NAF1: variants seen among roughly 807,000 people sequenced by gnomAD.
The protein encoded by NAF1 is H/ACA ribonucleoprotein complex non-core subunit NAF1.
A neutral mutation model predicts 40.6 loss-of-function variants in NAF1; 11 were observed. The ratio of observed to expected loss-of-function variants is 0.27; its 90% CI spans 0.17 to 0.45. NAF1 has a LOEUF of 0.45. NAF1 is among the 20% of genes least tolerant of loss of function. NAF1 has a pLI of 1.00. For missense variants in NAF1, 607 were observed against 611.1 expected (o/e 0.99, Z 0.07); for synonymous variants, 260 against 228.5 (o/e 1.14, Z -1.24).
At chr4:163,151,012 T>C (rs1731678189) in intron 2 of NAF1, among the ~76,000 whole-genome samples, 1 of 152,098 alleles carries the variant, frequency 6.6e-6, no homozygotes, top group Admixed American at 6.5e-5. Context: ...AGAGTGAACA[T>C]CCTTGCATGT....
At chr4:163,137,722 G>T (rs1731113687) in intron 5 of NAF1, among the ~76,000 whole-genome samples, 1 of 152,138 alleles carries the variant, frequency 6.6e-6, no homozygotes, top group Non-Finnish European at 1.5e-5. Flanking sequence ...TTTACCTGAG[G>T]AATGTCAGCA....
rs1414961716 is a variant in NAF1 at position 163,129,259 on chromosome 4, G to A, written c.1123C>T (p.Arg375Ter). 3.1e-6 allele frequency: 5 copies of A among 1,614,100 alleles called. No homozygotes were observed. Among genetic ancestry groups the A allele is most frequent in the Non-Finnish European group, 3.4e-6 (4 of 1,179,992 alleles). Residue 375 changes from arginine (R) to a stop codon, truncating the protein, a stop_gained, in exon 8 of 8, where the codon CGA (arginine) becomes TGA (stop). Coordinates refer to ENST00000274054, the MANE Select transcript of NAF1 (RefSeq NM_138386.3). LOFTEE classifies it low-confidence loss of function (END_TRUNC). ...GGGTATCTGGCCCTGGAAAATCCTC[G>A]TGTGAATTCTCTGTTACGATATCCT... ...AKGYRNREFT[R>*]GFSRARYPRS...
intron 2 of NAF1, among the ~76,000 whole-genome samples, chr4:163,151,505 T>C (rs1453398327): frequency 1.3e-5 from 2 of 152,106 alleles, no homozygotes; most frequent in African/African-American, 4.8e-5. Flanking sequence ...ATCTTTTCTC[T>C]CACTGATTTG....
intron 2 of NAF1, among the ~76,000 whole-genome samples, chr4:163,116,536 T>C (rs939089066): frequency 5.9e-5 from 9 of 152,190 alleles, no homozygotes; most frequent in African/African-American, 2.2e-4. Flanking sequence ...GTCTTTGTTA[T>C]AATATTTCTT....
At chr4:163,145,406 G>A (rs1198929728) in intron 4 of NAF1, among the ~76,000 whole-genome samples, 2 of 152,130 alleles carry the variant, frequency 1.3e-5, no homozygotes, top group Non-Finnish European at 2.9e-5. Context: ...ATTCAAAGGA[G>A]CTCACAAAAC....
At chr4:163,144,123 T>C (rs1731368438) in intron 4 of NAF1, 1 of 544,080 alleles carries the variant, frequency 1.8e-6, no homozygotes, top group Non-Finnish European at 2.3e-6. Context: ...TACCCACTGA[T>C]ATATGAGAAG....
downstream of NAF1, among the ~76,000 whole-genome samples, chr4:163,128,302 T>G (rs1364755521): frequency 6.6e-6 from 1 of 152,156 alleles, no homozygotes; most frequent in Non-Finnish European, 1.5e-5. Flanking sequence ...GGAATTATTT[T>G]GCACAGATAA....
chr4:163,148,224 TATAAA>T (rs1196579243), intron 3 of NAF1, 112 bp downstream of exon 3: 3 of 511,518 alleles, frequency 5.9e-6, no homozygotes. Flanking sequence ...ACTTAATGAC[TATAAA>T]ATAAAGTGTT....
chr4:163,118,875 A>G (rs1730432389), intron 2 of NAF1, among the ~76,000 whole-genome samples: 1 of 152,256 alleles, frequency 6.6e-6, no homozygotes, highest in Non-Finnish European at 1.5e-5. Context: ...TATGTGAAAA[A>G]GTACCTGGAT....
At chr4:163,139,880 GA>G (rs999816411) in intron 5 of NAF1, among the ~76,000 whole-genome samples, 6 of 150,948 alleles carry the variant, frequency 4.0e-5, no homozygotes, top group African/African-American at 1.5e-4. Context: ...TTACTTAACT[GA>G]AAAAAAAGTT....
downstream of NAF1, among the ~76,000 whole-genome samples, chr4:163,108,073 T>A (rs957796324): frequency 2.0e-5 from 3 of 151,998 alleles, no homozygotes; most frequent in African/African-American, 4.8e-5. Context: ...ATTAAGAAAA[T>A]TTTTTTTTCT....
intron 2 of NAF1, among the ~76,000 whole-genome samples, chr4:163,120,200 C>T (rs1730476057): frequency 6.6e-6 from 1 of 152,152 alleles, no homozygotes; most frequent in South Asian, 2.1e-4. Flanking sequence ...CAATAAAACA[C>T]TTGAAAAGCT....
Position 163,110,226 on chromosome 4 carries a change from C to T in NAF1, c.*50G>A, listed in dbSNP as rs574258808. The T allele has an allele frequency of 1.4e-5, 10 of 694,758 alleles. No individual in the cohort carries two copies. The East Asian group carries it at 2.7e-4, about 19-fold the overall frequency. The allele number at this position is 694,758 out of a possible 1,614,324, so 43.0% of individuals were successfully genotyped here. Reference sequence around the variant, plus strand: ...CCAGCCATACCATCATTTGAGGATACAGTACTCTCCCCTCATCTGTGCTGT... The same window carrying T: ...CCAGCCATACCATCATTTGAGGATATAGTACTCTCCCCTCATCTGTGCTGT... On this transcript the variant is annotated 3_prime_UTR_variant, in exon 3 of 3. Coordinates refer to the NAF1 transcript ENST00000509434.
At chr4:163,123,287 A>C (rs560031054), downstream of NAF1, among the ~76,000 whole-genome samples, 89 of 152,346 alleles carry the variant, frequency 5.8e-4, no homozygotes, top group Middle Eastern at 3.4e-3. Context: ...CAAACCATTC[A>C]TAAGGGTTCC....
At chr4:163,145,477 C>T (rs550356798) in intron 4 of NAF1, among the ~76,000 whole-genome samples, 6 of 152,096 alleles carry the variant, frequency 3.9e-5, no homozygotes, top group Admixed American at 6.5e-5. Context: ...AGTATCTGGA[C>T]GGTAGGAAAC....
At chr4:163,145,379 A>G (rs1279255594) in intron 4 of NAF1, among the ~76,000 whole-genome samples, 1 of 152,228 alleles carries the variant, frequency 6.6e-6, no homozygotes, top group Non-Finnish European at 1.5e-5. Flanking sequence ...CAAAGTCTGA[A>G]AAGTCTGAGA....
chr4:163,152,592 T>C (rs1023571610), intron 2 of NAF1, among the ~76,000 whole-genome samples: 1 of 152,212 alleles, frequency 6.6e-6, no homozygotes, highest in Non-Finnish European at 1.5e-5. Context: ...AACCAAACTT[T>C]GGGGAAAACA....
At chr4:163,111,831 A>G (rs1730168221) in intron 2 of NAF1, among the ~76,000 whole-genome samples, 1 of 152,170 alleles carries the variant, frequency 6.6e-6, no homozygotes, top group Non-Finnish European at 1.5e-5. Context: ...AGGAGAAAAA[A>G]GTAAAAGAGT....
intron 7 of NAF1, 48 bp from the exon 8 acceptor site, chr4:163,129,396 T>C (rs1235307483): frequency 2.0e-6 from 3 of 1,506,548 alleles, no homozygotes; most frequent in African/African-American, 2.8e-5. Context: ...AAGTTTAATA[T>C]ATCAAAAAGC....
Sources: allele counts gnomAD v4.1 joint callset (sites outside exome capture counted in the v4.1 genomes callset), GRCh38; gene constraint gnomAD v4.1.1; transcripts MANE v1.5; gene names NCBI Gene and HGNC (gene_info 2026-07-23, HGNC 2026-07-21).